Variants in ADCY8 observed in about 807,000 individuals in gnomAD.
ADCY8 encodes the protein adenylate cyclase 8, also known as adenylate cyclase type 8.
In ADCY8, 51 loss-of-function variants were observed where a neutral mutation model predicts 119.7. That is an observed-to-expected ratio of 0.43 (90% CI 0.34 to 0.54). ADCY8 has a LOEUF of 0.54. Among genes scored for constraint, ADCY8 ranks in the 20% least tolerant of loss-of-function variants. The probability of loss-of-function intolerance (pLI) is 0.03; values close to 1 mark genes in which losing one functional copy is unlikely to be tolerated. For missense variants in ADCY8, 1,383 were observed against 1,598.8 expected (o/e 0.87, Z 2.30); for synonymous variants, 665 against 651.0 (o/e 1.02, Z -0.33).
At chr8:130,875,728 A>G (rs557288047) in intron 8 of ADCY8, among the ~76,000 whole-genome samples, 1 of 152,284 alleles carries the variant, frequency 6.6e-6, no homozygotes, top group Admixed American at 6.5e-5. Flanking sequence ...ATTTTTCTTG[A>G]AGTTTTTAAA....
At chr8:130,836,489 C>A in intron 11 of ADCY8, 40 bp from the exon 12 acceptor site, 1 of 1,592,996 alleles carries the variant, frequency 6.3e-7, no homozygotes, top group South Asian at 1.1e-5. Context: ...TCAATGGGGG[C>A]AGCAGTTCCC....
chr8:130,895,308 T>C (rs1219375059), intron 7 of ADCY8, among the ~76,000 whole-genome samples: 1 of 152,104 alleles, frequency 6.6e-6, no homozygotes, highest in African/African-American at 2.4e-5. Context: ...AGAAAAGTTT[T>C]AGCAGGTTAT....
intron 2 of ADCY8, among the ~76,000 whole-genome samples, chr8:130,983,830 T>G (rs1436648337): frequency 6.6e-6 from 1 of 152,114 alleles, no homozygotes; most frequent in East Asian, 1.9e-4. Flanking sequence ...AACTGAGAAA[T>G]AGATATGGAA....
At chr8:130,921,471 A>G (rs1721314847) in intron 5 of ADCY8, among the ~76,000 whole-genome samples, 1 of 125,312 alleles carries the variant, frequency 8.0e-6, no homozygotes, top group African/African-American at 3.0e-5. Flanking sequence ...TTTTTTTGAG[A>G]CAGAGTTTTG....
chr8:130,807,879 G>T (rs1816019467), intron 14 of ADCY8, among the ~76,000 whole-genome samples: 1 of 144,486 alleles, frequency 6.9e-6, no homozygotes, highest in African/African-American at 2.5e-5. Flanking sequence ...AGCTACTTGG[G>T]AGGCTGAGGC....
chr8:130,961,321 G>A (rs760850830), intron 2 of ADCY8, among the ~76,000 whole-genome samples: 8 of 152,000 alleles, frequency 5.3e-5, no homozygotes, highest in Non-Finnish European at 1.0e-4. Flanking sequence ...TGCTGGCCAG[G>A]CTAGTCTTGA....
chr8:130,994,931 C>G (rs563474875), intron 1 of ADCY8, among the ~76,000 whole-genome samples: 8 of 152,210 alleles, frequency 5.3e-5, no homozygotes. Flanking sequence ...AAAGGTGACT[C>G]TGGGGTGTGG....
intron 17 of ADCY8, 82 bp downstream of exon 17, chr8:130,783,609 G>T: frequency 1.0e-6 from 1 of 977,612 alleles, no homozygotes; most frequent in Non-Finnish European, 1.6e-6. Context: ...AAGCTTTCCT[G>T]GATTGATGCC....
intron 11 of ADCY8, among the ~76,000 whole-genome samples, chr8:130,838,130 T>C (rs1330910511): frequency 6.6e-6 from 1 of 152,230 alleles, no homozygotes; most frequent in African/African-American, 2.4e-5. Context: ...TTTCTAAGCC[T>C]AGCTGGCTAA....
chr8:130,890,286 C>G (rs111438257), intron 7 of ADCY8, among the ~76,000 whole-genome samples: 1 of 151,934 alleles, frequency 6.6e-6, no homozygotes, highest in African/African-American at 2.4e-5. Flanking sequence ...ACCAACATGG[C>G]ACATGTATAC....
rs991379747 is a variant in ADCY8, at chr8:130,847,578, G to A, written c.2413-65C>T. The A allele has an allele frequency of 5.8e-6, 8 of 1,370,820 alleles. No homozygotes were observed. In the African/African-American group the frequency reaches 1.0e-4, roughly 17 times the overall value. 84.9% of individuals were successfully genotyped at this position (1,370,820 alleles called of 1,614,324 possible). On this transcript the variant is annotated intron_variant, in intron 10 of 17. Coordinates refer to ENST00000286355, the MANE Select transcript of ADCY8 (RefSeq NM_001115.3). ...AAAACAGGAACAACAAAGTCAGTGT[G>A]AGTGCTGGAAATGGAGCAGTGTGCT...
chr8:130,782,471 G>T (rs1316210228), intron 17 of ADCY8, among the ~76,000 whole-genome samples: 2 of 152,166 alleles, frequency 1.3e-5, no homozygotes, highest in Non-Finnish European at 2.9e-5. Context: ...AAATTGAGAT[G>T]CTTAATTCAG....
intron 8 of ADCY8, among the ~76,000 whole-genome samples, chr8:130,882,640 G>A (rs1818819496): frequency 6.6e-6 from 1 of 152,108 alleles, no homozygotes; most frequent in African/African-American, 2.4e-5. Flanking sequence ...CTTCATAGTA[G>A]TTTCTCCATG....
chr8:130,838,093 A>G (rs1701224039), intron 11 of ADCY8, among the ~76,000 whole-genome samples: 1 of 152,224 alleles, frequency 6.6e-6, no homozygotes, highest in East Asian at 1.9e-4. Flanking sequence ...AAAAATGTCT[A>G]AGTAATTACT....
chr8:130,821,609 A>G (rs1816512300), intron 12 of ADCY8, among the ~76,000 whole-genome samples, 189 bp from the exon 13 acceptor site: 1 of 152,224 alleles, frequency 6.6e-6, no homozygotes, highest in Non-Finnish European at 1.5e-5. Flanking sequence ...CCCCAAGGGT[A>G]TGAGGTGACC....
At chr8:130,951,755 A>C in intron 3 of ADCY8, 113 bp downstream of exon 3, 3 of 1,312,216 alleles carry the variant, frequency 2.3e-6, no homozygotes, top group Middle Eastern at 2.7e-4. Flanking sequence ...TTAATCAACC[A>C]GATGAGGAAA....
chr8:130,932,508 A>T (rs1820661382), intron 5 of ADCY8, among the ~76,000 whole-genome samples: 1 of 152,118 alleles, frequency 6.6e-6, no homozygotes, highest in Admixed American at 6.5e-5. Flanking sequence ...AATGGATGGT[A>T]TATTTTTCTG....
At chr8:130,997,061 GAATA>G (rs1444705011) in intron 1 of ADCY8, among the ~76,000 whole-genome samples, 6 of 152,176 alleles carry the variant, frequency 3.9e-5, no homozygotes, top group Admixed American at 1.3e-4. Context: ...AGAAATGGCT[GAATA>G]AATTGTGGTC....
chr8:130,969,314 G>A lies in ADCY8; in HGVS notation c.1111-17316C>T, dbSNP rs528471687. 3.3e-5 allele frequency among the ~76,000 whole-genome samples: 5 copies of A among 152,280 alleles called. No individual in the cohort carries two copies. In the East Asian group the frequency reaches 9.6e-4, roughly 29 times the overall value. On this transcript the variant is annotated intron_variant, in intron 2 of 17. Coordinates refer to ENST00000286355, the MANE Select transcript of ADCY8 (RefSeq NM_001115.3). ...AACTGCAACATTGGCTCTTTCCTCA[G>A]TTTCCAGTCTGATGGCTGTAGAATT...
Sources: allele counts gnomAD v4.1 joint callset (sites outside exome capture counted in the v4.1 genomes callset), GRCh38; gene constraint gnomAD v4.1.1; transcripts MANE v1.5; gene names NCBI Gene and HGNC (gene_info 2026-07-23, HGNC 2026-07-21).